PLXDC1: variants seen among roughly 807,000 people sequenced by gnomAD.
PLXDC1 encodes plexin domain-containing protein 1.
PLXDC1 carries 39 observed loss-of-function variants against 61.3 expected under a neutral mutation model. The observed-to-expected ratio is 0.64, with a 90% confidence interval of 0.49 to 0.83. The LOEUF (loss-of-function observed/expected upper bound fraction) is 0.83. Ranked by LOEUF, PLXDC1 falls within the 40% of genes least tolerant of loss-of-function variation. The pLI is 0.00. For missense variants in PLXDC1, 596 were observed against 666.5 expected, an observed-to-expected ratio of 0.89 and a Z score of 1.17; for synonymous variants, 212 against 254.5, an observed-to-expected ratio of 0.83 and a Z score of 1.59.
At chr17:39,136,114 T>C (rs1401301143) in intron 2 of PLXDC1, among the ~76,000 whole-genome samples, 1 of 152,144 alleles carries the variant, frequency 6.6e-6, no homozygotes, top group Admixed American at 6.5e-5. Flanking sequence ...GTCTCCTTAA[T>C]CAGGGGCCTC....
chr17:39,081,245 C>G (rs1909543657), intron 9 of PLXDC1: 1 of 152,588 alleles, frequency 6.6e-6, no homozygotes, highest in Admixed American at 6.5e-5. Context: ...CCAGGAAGAA[C>G]CAACCTGGGG....
At chr17:39,135,546 G>A (rs149859104) in intron 2 of PLXDC1, among the ~76,000 whole-genome samples, 3,689 of 151,770 alleles carry the variant, frequency 0.024, 162 homozygotes, top group African/African-American at 0.085. Context: ...GCGTGGTGGC[G>A]CATGCCTGTA....
rs1307213507 is a variant in PLXDC1 at position 39,064,526 on chromosome 17, C to T, written c.*3314G>A. ...AATAAATGTTAGATCACAGCCTCTT[C>T]TTAGTCATACCCATTTATACATGTC... On this transcript the variant is annotated 3_prime_UTR_variant, in exon 14 of 14. Coordinates refer to ENST00000315392, the MANE Select transcript of PLXDC1 (RefSeq NM_020405.5). The T allele has an allele frequency of 6.6e-6, 1 of 152,200 alleles. No homozygotes were observed. The highest frequency in any genetic ancestry group is 1.5e-5 in the Non-Finnish European group (1 of 68,034). The allele number at this position is 152,200 out of a possible 1,614,324, so 9.4% of individuals were successfully genotyped here. A position where few individuals can be genotyped will look rare whatever the true frequency, so the allele number is the denominator to read the frequency against.
intron 2 of PLXDC1, among the ~76,000 whole-genome samples, chr17:39,132,752 G>A (rs1567771323): frequency 6.6e-6 from 1 of 152,148 alleles, no homozygotes; most frequent in Non-Finnish European, 1.5e-5. Context: ...AGCCAGAGGG[G>A]AGGTCCGCAG....
chr17:39,135,447 C>T (rs1008880473), intron 2 of PLXDC1, among the ~76,000 whole-genome samples: 2 of 152,142 alleles, frequency 1.3e-5, no homozygotes, highest in African/African-American at 2.4e-5. Flanking sequence ...GAGGCTGAGG[C>T]GGGTAGATCA....
chr17:39,105,142 A>G (rs1009898254), intron 7 of PLXDC1, among the ~76,000 whole-genome samples: 5 of 152,116 alleles, frequency 3.3e-5, no homozygotes, highest in African/African-American at 7.2e-5. Context: ...GGGGTCCTAC[A>G]TGGCAGAACT....
At chr17:39,122,190 G>C (rs563696203) in intron 2 of PLXDC1, among the ~76,000 whole-genome samples, 1 of 150,712 alleles carries the variant, frequency 6.6e-6, no homozygotes, top group Non-Finnish European at 1.5e-5. Flanking sequence ...ATCACTTGAA[G>C]TCAGGAGTTT....
intron 2 of PLXDC1, among the ~76,000 whole-genome samples, chr17:39,117,016 A>G (rs1910992172): frequency 6.6e-6 from 1 of 152,216 alleles, no homozygotes; most frequent in South Asian, 2.1e-4. Context: ...AGGAATGGGG[A>G]ATGGAAGCTG....
intron 7 of PLXDC1, among the ~76,000 whole-genome samples, chr17:39,094,558 G>A (rs989640163): frequency 6.6e-6 from 1 of 151,088 alleles, no homozygotes; most frequent in Admixed American, 6.6e-5. Flanking sequence ...CCATTACATC[G>A]CTTGGTCAAT....
chr17:39,102,841 G>A (rs535359431), intron 7 of PLXDC1, among the ~76,000 whole-genome samples: 2 of 152,270 alleles, frequency 1.3e-5, no homozygotes, highest in South Asian at 4.1e-4. Flanking sequence ...CGAACTGAGA[G>A]ACAGGGTTCA....
intron 7 of PLXDC1, among the ~76,000 whole-genome samples, chr17:39,104,189 C>CT (rs2143642335): frequency 6.6e-6 from 1 of 152,318 alleles, no homozygotes; most frequent in Admixed American, 6.5e-5. Context: ...TTTACATACA[C>CT]TATCGCCTGC....
At chr17:39,128,101 A>ATATATATATATATATATATC (rs1567769525) in intron 2 of PLXDC1, among the ~76,000 whole-genome samples, 1 of 89,710 alleles carries the variant, frequency 1.1e-5, no homozygotes, top group Non-Finnish European at 2.2e-5. Flanking sequence ...CTATGTGTAT[A>ATATATATATATATATATATC]TATATATATA....
chr17:39,069,802 G>A, intron 13 of PLXDC1, 54 bp downstream of exon 13: 1 of 1,455,858 alleles, frequency 6.9e-7, no homozygotes, highest in Non-Finnish European at 9.6e-7. Context: ...GAATGGCCCA[G>A]GAGACGCCGA....
At chr17:39,071,611 G>A (rs1040866546) in intron 12 of PLXDC1, among the ~76,000 whole-genome samples, 8 of 152,134 alleles carry the variant, frequency 5.3e-5, no homozygotes, top group African/African-American at 9.7e-5. Flanking sequence ...CAATCAGCCC[G>A]CAGCCTGCAG....
At chr17:39,110,713 T>G (rs1567764224) in intron 2 of PLXDC1, among the ~76,000 whole-genome samples, 1 of 152,210 alleles carries the variant, frequency 6.6e-6, no homozygotes, top group Non-Finnish European at 1.5e-5. Context: ...GGCTGCCAGC[T>G]GCCCAGCCGG....
intron 8 of PLXDC1, among the ~76,000 whole-genome samples, chr17:39,084,511 G>C (rs1341127736): frequency 6.6e-6 from 1 of 152,214 alleles, no homozygotes; most frequent in Non-Finnish European, 1.5e-5. Flanking sequence ...CTTGTTGGGG[G>C]CACTCACTGC....
chr17:39,124,268 C>T (rs540569286), intron 2 of PLXDC1, among the ~76,000 whole-genome samples: 1 of 152,238 alleles, frequency 6.6e-6, no homozygotes. Context: ...CAACACGTCA[C>T]TCATTTTTGT....
At position 39,102,705 on chromosome 17, in the gene PLXDC1, T is replaced by TACACACAC. The variant is rs553513409; in HGVS notation, c.811+3141_811+3148dup. ...AACACTGACATCGTATGCTATCAAA[T>TACACACAC]ACACACACACACACACACACACACA... On this transcript the variant is annotated intron_variant, in intron 7 of 13. Coordinates refer to ENST00000315392, the MANE Select transcript of PLXDC1 (RefSeq NM_020405.5). Among the ~76,000 whole-genome samples, 422 of 136,130 alleles carry TACACACAC rather than the reference T, an allele frequency of 3.1e-3. 3 individuals carry two copies. Among genetic ancestry groups the TACACACAC allele is most frequent in the African/African-American group, 6.1e-3 (217 of 35,300 alleles). 89.3% of individuals were successfully genotyped at this position (136,130 alleles called of 152,430 possible).
intron 7 of PLXDC1, among the ~76,000 whole-genome samples, chr17:39,095,380 A>C (rs1351366944): frequency 0.53 from 1,132 of 2,122 alleles, 93 homozygotes; most frequent in Non-Finnish European, 0.54. Context: ...CCCCCCCCCC[A>C]ACCCCCCAAG....
Sources: allele counts gnomAD v4.1 joint callset (sites outside exome capture counted in the v4.1 genomes callset), GRCh38; gene constraint gnomAD v4.1.1; transcripts MANE v1.5; gene names NCBI Gene and HGNC (gene_info 2026-07-23, HGNC 2026-07-21).